The following POC5 variants were observed in gnomAD, a reference collection of about 807,000 sequenced individuals.
POC5 encodes POC5 centriolar protein.
POC5 carries 48 observed loss-of-function variants against 62.9 expected under a neutral mutation model. The ratio of observed to expected loss-of-function variants is 0.76; its 90% CI spans 0.61 to 0.97. The LOEUF (loss-of-function observed/expected upper bound fraction) is 0.97, where lower values mean the gene tolerates loss of function less well. Among genes scored for constraint, POC5 ranks in the 50% least tolerant of loss-of-function variants. The probability of loss-of-function intolerance (pLI) is 0.00; values close to 1 mark genes in which losing one functional copy is unlikely to be tolerated. For missense variants in POC5, 696 were observed against 679.5 expected (o/e 1.02, Z -0.27); for synonymous variants, 236 against 228.2 (o/e 1.03, Z -0.31).
Position 75,689,390 on chromosome 5 carries a change from G to C in POC5, c.976-225C>G, listed in dbSNP as rs142153879. On this transcript the variant is annotated intron_variant, in intron 8 of 11. Transcript: ENST00000428202. ...ACCTTAAAATCAAGGTTCAAACAAG[G>C]GGAATTTTATCCAGTCCCATTGAAT... 239 of 984,990 alleles carry C rather than the reference G, an allele frequency of 2.4e-4. 1 individual carries two copies. In the African/African-American group the frequency reaches 3.8e-3, roughly 16 times the overall value. The allele number at this position is 984,990 out of a possible 1,614,324, so 61.0% of individuals were successfully genotyped here. A position where few individuals can be genotyped will look rare whatever the true frequency, so the allele number is the denominator to read the frequency against.
intron 9 of POC5, 135 bp from the exon 10 acceptor site, chr5:75,685,619 T>C (rs138169449): frequency 3.5e-6 from 3 of 865,728 alleles, no homozygotes; most frequent in East Asian, 2.5e-5. Flanking sequence ...TTAGATACAA[T>C]GTTCAGTTAA....
At chr5:75,693,779 C>G (rs538365346) in intron 6 of POC5, among the ~76,000 whole-genome samples, 1 of 152,160 alleles carries the variant, frequency 6.6e-6, no homozygotes, top group African/African-American at 2.4e-5. Flanking sequence ...CAACACCACT[C>G]TCCTATCCAT....
intron 9 of POC5, among the ~76,000 whole-genome samples, chr5:75,686,792 T>G (rs1389442448): frequency 6.6e-6 from 1 of 152,138 alleles, no homozygotes; most frequent in African/African-American, 2.4e-5. Context: ...CAAGTATTTT[T>G]TTTTACTGTG....
chr5:75,682,952 A>C (rs1236287302), intron 10 of POC5, among the ~76,000 whole-genome samples: 1 of 152,232 alleles, frequency 6.6e-6, no homozygotes, highest in Non-Finnish European at 1.5e-5. Context: ...GTAGCTCTCG[A>C]AAGGTAAAAA....
In POC5 at chr5:75,694,724, C is replaced by T. The variant is rs1442398746; in HGVS notation, c.621G>A (p.Leu207=). Reference sequence around the variant, plus strand: ...CCTTCAATTCATTGATCTGATTACACAGTTGTTTTAAATGTGCTGCATGTT... The same window carrying T: ...CCTTCAATTCATTGATCTGATTACATAGTTGTTTTAAATGTGCTGCATGTT... The part of the protein sequence containing the change: ...KEKHAAHLKQ[L]CNQINELKEL... Residue 207 remains leucine (L), a synonymous_variant, in exon 6 of 12, where the codon CTG becomes CTA. Transcript: ENST00000428202. 3.7e-6 allele frequency: 6 copies of T among 1,605,352 alleles called. No homozygotes were observed. The highest frequency in any genetic ancestry group is 5.1e-6 in the Non-Finnish European group (6 of 1,174,750).
chr5:75,715,309 C>CAAAAAA (rs922297009), intron 1 of POC5, among the ~76,000 whole-genome samples: 1,013 of 59,264 alleles, frequency 0.017, 44 homozygotes, highest in African/African-American at 0.061. Context: ...GACTCCGTCT[C>CAAAAAA]AAAAAAAAAA....
chr5:75,677,549 G>A, intron 11 of POC5: 1 of 305,402 alleles, frequency 3.3e-6, no homozygotes, highest in South Asian at 1.6e-4. Context: ...AAGAAACGAT[G>A]TTTCTGAAAT....
intron 5 of POC5, among the ~76,000 whole-genome samples, chr5:75,695,719 C>T (rs182368452): frequency 6.8e-4 from 104 of 152,086 alleles, no homozygotes; most frequent in East Asian, 5.6e-3. Context: ...CCAAGATGGC[C>T]GAATAGGAAC....
chr5:75,700,476 C>T (rs1415586975), intron 5 of POC5, among the ~76,000 whole-genome samples: 15 of 151,762 alleles, frequency 9.9e-5, no homozygotes, highest in Non-Finnish European at 1.8e-4. Context: ...GGAAAGGATT[C>T]CCTATTTAAT....
At chr5:75,716,091 G>A (rs888487444) in intron 1 of POC5, among the ~76,000 whole-genome samples, 3 of 152,068 alleles carry the variant, frequency 2.0e-5, no homozygotes, top group African/African-American at 7.2e-5. Flanking sequence ...AGAAAAGGAA[G>A]ATACAGGGAA....
chr5:75,687,367 G>A (rs1251374851), intron 9 of POC5, among the ~76,000 whole-genome samples: 2 of 150,424 alleles, frequency 1.3e-5, no homozygotes, highest in African/African-American at 4.9e-5. Flanking sequence ...GGGGCCAAAA[G>A]TAATTTTTTT....
rs190724139 is a variant in POC5, at chr5:75,678,083, A to G, written c.1408-133T>C. ...ATGTTCAACCAACTTTAACATGGAAAAAACAAAATCACAAGACGAAAAGCA... is the reference window on the plus strand; with the variant it reads ...ATGTTCAACCAACTTTAACATGGAAGAAACAAAATCACAAGACGAAAAGCA... On this transcript the variant is annotated intron_variant, in intron 10 of 11. Transcript: ENST00000428202. 6.9e-5 allele frequency: 47 copies of G among 680,986 alleles called. No individual in the cohort carries two copies. In the East Asian group the frequency reaches 1.2e-3, roughly 18 times the overall value. 42.2% of individuals were successfully genotyped at this position (680,986 alleles called of 1,614,324 possible).
intron 5 of POC5, among the ~76,000 whole-genome samples, chr5:75,701,676 T>A (rs1423663425): frequency 6.6e-6 from 1 of 151,322 alleles, no homozygotes; most frequent in Non-Finnish European, 1.5e-5. Flanking sequence ...CATATGTAAC[T>A]AACCTGCACA....
At chr5:75,685,580 C>G in intron 9 of POC5, 96 bp from the exon 10 acceptor site, 3 of 1,315,112 alleles carry the variant, frequency 2.3e-6, no homozygotes, top group South Asian at 2.8e-5. Flanking sequence ...AAGTTTGGTC[C>G]TAACAAAAAT....
chr5:75,682,519 T>TTC (rs796698162), intron 10 of POC5, among the ~76,000 whole-genome samples: 1,483 of 147,082 alleles, frequency 0.01, 24 homozygotes, highest in African/African-American at 0.035. Flanking sequence ...ATTTCTTTCT[T>TTC]TTTTTTTTTT....
intron 10 of POC5, among the ~76,000 whole-genome samples, chr5:75,679,616 G>A (rs1286644024): frequency 6.6e-6 from 1 of 152,120 alleles, no homozygotes; most frequent in Admixed American, 6.5e-5. Context: ...AGATAAAAAT[G>A]AAGCAATTAA....
chr5:75,676,899 TA>T (rs1473211044), intron 11 of POC5, among the ~76,000 whole-genome samples: 1 of 152,066 alleles, frequency 6.6e-6, no homozygotes, highest in Non-Finnish European at 1.5e-5. Flanking sequence ...GGGATGTTCT[TA>T]TCACTCTTAT....
intron 5 of POC5, among the ~76,000 whole-genome samples, chr5:75,696,290 C>T (rs1354784145): frequency 6.6e-6 from 1 of 152,186 alleles, no homozygotes; most frequent in East Asian, 1.9e-4. Flanking sequence ...ACAGCAGTAA[C>T]CTCTGCAGAC....
intron 5 of POC5, among the ~76,000 whole-genome samples, chr5:75,700,139 C>T (rs1183030158): frequency 1.3e-5 from 2 of 152,004 alleles, no homozygotes; most frequent in Admixed American, 6.6e-5. Flanking sequence ...AATGGCCATA[C>T]TGCCCAAGGT....
Sources: gnomAD v4.1 joint callset for allele counts (sites outside exome capture counted in the v4.1 genomes callset) on GRCh38, gnomAD v4.1.1 for gene constraint, MANE v1.5 for transcripts, NCBI Gene and HGNC (gene_info 2026-07-23, HGNC 2026-07-21) for gene names.